The following CTXND1 variants were observed in gnomAD, a reference collection of about 807,000 sequenced individuals.
CTXND1 encodes cortexin domain containing 1, also known as cortexin domain-containing 1 protein.
rs376854456 is a variant in CTXND1, at chr15:80,205,251, A to G, written c.-217-1511T>C. On this transcript the variant is annotated intron_variant, in intron 1 of 2. Transcript: ENST00000560778. ...CCATAGTAAATTCAACCGTTCTTCT[A>G]TCAGTTAGACAGAATTTCCAATCTT... Among the ~76,000 whole-genome samples the G allele has an allele frequency of 4.4e-4, 67 of 152,258 alleles. No homozygotes were observed. In the East Asian group the frequency reaches 8.5e-3, roughly 19 times the overall value.
chr15:80,204,106 C>A (rs1466093115), intron 1 of CTXND1, among the ~76,000 whole-genome samples: 1 of 132,080 alleles, frequency 7.6e-6, no homozygotes, highest in African/African-American at 2.9e-5. Flanking sequence ...GAGGTTGCGC[C>A]GCTGCACTCC....
chr15:80,230,093 T>G (rs1893412221), intron 1 of CTXND1, among the ~76,000 whole-genome samples: 1 of 152,218 alleles, frequency 6.6e-6, no homozygotes, highest in Non-Finnish European at 1.5e-5. Flanking sequence ...TTCTAGATAC[T>G]TTTATAGACA....
In CTXND1 at chr15:80,198,653, T is replaced by G. The variant is rs2041432638; in HGVS notation, c.*3117A>C. 6.6e-6 allele frequency: 1 copy of G among 152,164 alleles called. No individual in the cohort carries two copies. Among genetic ancestry groups the G allele is most frequent in the Non-Finnish European group, 1.5e-5 (1 of 68,024 alleles). 9.4% of individuals were successfully genotyped at this position (152,164 alleles called of 1,614,324 possible). Reference sequence around the variant, plus strand: ...GATCCAGTTCTTAGACAGGTCTCCCTCCCCCATGTGCTCCATGTGTCTCTT... The same window carrying G: ...GATCCAGTTCTTAGACAGGTCTCCCGCCCCCATGTGCTCCATGTGTCTCTT... On this transcript the variant is annotated 3_prime_UTR_variant, in exon 3 of 3. Coordinates refer to ENST00000560778, the MANE Select transcript of CTXND1 (RefSeq NM_001352888.2).
At chr15:80,212,093 A>G (rs1318319640) in intron 1 of CTXND1, among the ~76,000 whole-genome samples, 1 of 152,184 alleles carries the variant, frequency 6.6e-6, no homozygotes, top group Non-Finnish European at 1.5e-5. Flanking sequence ...AGTCTAGCTC[A>G]CTAGTCCTGA....
intron 1 of CTXND1, among the ~76,000 whole-genome samples, chr15:80,206,298 T>C (rs964976505): frequency 1.3e-5 from 2 of 152,270 alleles, no homozygotes; most frequent in African/African-American, 2.4e-5. Flanking sequence ...ATGCATCATT[T>C]TGAGATTTTA....
At chr15:80,251,568 A>G (rs2141469119) in intron 1 of CTXND1, among the ~76,000 whole-genome samples, 1 of 152,136 alleles carries the variant, frequency 6.6e-6, no homozygotes, top group East Asian at 1.9e-4. Flanking sequence ...TTCAGTTTCA[A>G]CTCACACTCC....
At chr15:80,227,867 G>GT (rs1893389503) in intron 1 of CTXND1, among the ~76,000 whole-genome samples, 1 of 152,208 alleles carries the variant, frequency 6.6e-6, no homozygotes, top group South Asian at 2.1e-4. Flanking sequence ...TGATGGTGAA[G>GT]TTTGCTACAT....
At chr15:80,202,048 G>C in intron 2 of CTXND1, 34 bp from the exon 3 acceptor site, 1 of 397,884 alleles carries the variant, frequency 2.5e-6, no homozygotes. Flanking sequence ...GGGAAGGAGG[G>C]GCATGGTCAG....
chr15:80,211,367 C>T (rs1893202868), intron 1 of CTXND1, among the ~76,000 whole-genome samples: 1 of 152,166 alleles, frequency 6.6e-6, no homozygotes, highest in African/African-American at 2.4e-5. Context: ...AGAAGTGCAG[C>T]CATTATGAAA....
chr15:80,222,748 T>C (rs141703775), intron 1 of CTXND1, among the ~76,000 whole-genome samples: 1 of 152,210 alleles, frequency 6.6e-6, no homozygotes, highest in Middle Eastern at 3.2e-3. Flanking sequence ...ATAATGCTTT[T>C]TATTTTTTAC....
At chr15:80,238,248 AGT>A (rs1395754750) in intron 1 of CTXND1, among the ~76,000 whole-genome samples, 2 of 152,206 alleles carry the variant, frequency 1.3e-5, no homozygotes, top group East Asian at 1.9e-4. Flanking sequence ...ATTTATGGTA[AGT>A]GTCCTGCACA....
chr15:80,228,636 C>CTTTTTTTTTTTTTTTTTTTTTTT (rs58443773), intron 1 of CTXND1, among the ~76,000 whole-genome samples: 1 of 139,916 alleles, frequency 7.1e-6, no homozygotes. Flanking sequence ...AAATCTGAAA[C>CTTTTTTTTTTTTTTTTTTTTTTT]TTTTTTTTTT....
rs74806427 is a variant in CTXND1 at position 80,198,018 on chromosome 15, C to T, written c.*3752G>A. The stretch of plus-strand genomic sequence containing the variant: ...CTAGGGTCCTACTATACATATCCAC[C>T]TGTCTGAGCATCCTTAGAGGCCACA... On this transcript the variant is annotated 3_prime_UTR_variant, in exon 3 of 3. Coordinates refer to ENST00000560778, the MANE Select transcript of CTXND1 (RefSeq NM_001352888.2). The T allele has an allele frequency of 0.042, 6,382 of 152,282 alleles. 192 individuals carry two copies. The highest frequency in any genetic ancestry group is 0.11 in the Middle Eastern group (31 of 294). The allele number at this position is 152,282 out of a possible 1,614,324, so 9.4% of individuals were successfully genotyped here.
At chr15:80,251,012 G>A (rs942970864) in intron 1 of CTXND1, among the ~76,000 whole-genome samples, 15 of 152,154 alleles carry the variant, frequency 9.9e-5, no homozygotes, top group African/African-American at 3.6e-4. Context: ...CCAGAAACTC[G>A]AATCCTCTGA....
intron 1 of CTXND1, among the ~76,000 whole-genome samples, chr15:80,224,908 A>T (rs8037255): frequency 0.17 from 25,127 of 152,034 alleles, 2,681 homozygotes; most frequent in African/African-American, 0.3. Flanking sequence ...CATGTGGGGC[A>T]AATTTTTGTA....
rs2041445224 is a variant in CTXND1, at chr15:80,200,821, T to C, written c.*949A>G. On this transcript the variant is annotated 3_prime_UTR_variant, in exon 3 of 3. Transcript: ENST00000560778. ...CCCCCAAAAAGGGTACCGGGCGAAA[T>C]CATTTTGTGTGAGGAAAAAATAGTG... 1 of 152,092 alleles carries C rather than the reference T, an allele frequency of 6.6e-6. No individual in the cohort carries two copies. The highest frequency in any genetic ancestry group is 2.4e-5 in the African/African-American group (1 of 41,410). The allele number at this position is 152,092 out of a possible 1,614,324, so 9.4% of individuals were successfully genotyped here. A position where few individuals can be genotyped will look rare whatever the true frequency, so the allele number is the denominator to read the frequency against.
chr15:80,222,383 G>A (rs899428492), intron 1 of CTXND1, among the ~76,000 whole-genome samples: 1 of 152,042 alleles, frequency 6.6e-6, no homozygotes, highest in African/African-American at 2.4e-5. Flanking sequence ...CATTTTGCCA[G>A]TAAAATACTT....
rs1201147034 is a variant in CTXND1, at chr15:80,204,156, A to AAAAAAG, written c.-217-417_-217-416insCTTTTT. Among the ~76,000 whole-genome samples, 2 of 34,648 alleles carry AAAAAAG rather than the reference A, an allele frequency of 5.8e-5. 1 individual carries two copies. Among genetic ancestry groups the AAAAAAG allele is most frequent in the Admixed American group, 1.0e-3 (2 of 1,922 alleles). 22.7% of individuals were successfully genotyped at this position (34,648 alleles called of 152,430 possible). On this transcript the variant is annotated intron_variant, in intron 1 of 2. Coordinates refer to ENST00000560778, the MANE Select transcript of CTXND1 (RefSeq NM_001352888.2). ...AGCAAGACTGTGTCTCAAAAAAAAA[A>AAAAAAG]AAAAAAAAAAAAAATATATATATAT...
At chr15:80,227,103 A>G (rs1420173430) in intron 1 of CTXND1, among the ~76,000 whole-genome samples, 1 of 152,192 alleles carries the variant, frequency 6.6e-6, no homozygotes, top group Non-Finnish European at 1.5e-5. Context: ...TGTAAAGTAC[A>G]TCATTTTCTA....
Sources: allele counts gnomAD v4.1 joint callset (sites outside exome capture counted in the v4.1 genomes callset), GRCh38; gene constraint gnomAD v4.1.1; transcripts MANE v1.5; gene names NCBI Gene and HGNC (gene_info 2026-07-23, HGNC 2026-07-21).